Variants in COQ8A observed in about 807,000 individuals in gnomAD.
COQ8A encodes coenzyme Q8A, also known as atypical kinase COQ8A, mitochondrial.
In COQ8A, 51 loss-of-function variants were observed where a neutral mutation model predicts 65.0. The ratio of observed to expected loss-of-function variants is 0.78; its 90% CI spans 0.63 to 0.99. The LOEUF is 0.99. Ranked by LOEUF, COQ8A falls within the 50% of genes least tolerant of loss-of-function variation. The pLI, the probability that COQ8A is intolerant of heterozygous loss-of-function variation, is 0.00. For synonymous variants in COQ8A, 371 were observed against 353.2 expected, an observed-to-expected ratio of 1.05 and a Z score of -0.57; for missense variants, 940 against 875.0, an observed-to-expected ratio of 1.07 and a Z score of -0.94.
chr1:226,971,674 A>G (rs552053385), intron 4 of COQ8A, among the ~76,000 whole-genome samples: 1 of 152,236 alleles, frequency 6.6e-6, no homozygotes, highest in African/African-American at 2.4e-5. Context: ...ATATTCCTCT[A>G]TTGTTTTCTT....
chr1:226,982,683 G>GC lies in COQ8A; in HGVS notation c.861dup (p.Phe288LeufsTer8). 6.2e-7 allele frequency: 1 copy of GC among 1,613,352 alleles called. No individual in the cohort carries two copies. The highest frequency in any genetic ancestry group is 8.5e-7 in the Non-Finnish European group (1 of 1,180,000). ...GTCATTCTCCTGCCTTCCAGATGAT[G>GC]CCTTTATCAACCCCCACCTGGCTAA... On this transcript the variant is annotated frameshift_variant, in exon 7 of 15. Coordinates refer to ENST00000366777, the MANE Select transcript of COQ8A (RefSeq NM_020247.5). LOFTEE classifies it high-confidence loss of function.
At chr1:226,984,775 G>A in intron 12 of COQ8A, 101 bp from the exon 13 acceptor site, 2 of 1,488,192 alleles carry the variant, frequency 1.3e-6, no homozygotes, top group Non-Finnish European at 1.9e-6. Flanking sequence ...GGCTCTGGGA[G>A]TGGGGATCCT....
chr1:226,967,780 A>T lies in COQ8A; in HGVS notation c.655+2043A>T, dbSNP rs12562646. Among the ~76,000 whole-genome samples, 377 of 152,284 alleles carry T rather than the reference A, an allele frequency of 2.5e-3. 9 individuals are homozygous for T. In the East Asian group the frequency reaches 0.047, roughly 19 times the overall value. On this transcript the variant is annotated intron_variant, in intron 4 of 14. Transcript: ENST00000366777. ...TGGAGCCTTTGCTGACACCTGCCTG[A>T]TGTACGGAGCCATCTGTGGGTGTCT...
At chr1:226,968,758 C>A (rs1190966118) in intron 4 of COQ8A, among the ~76,000 whole-genome samples, 1 of 152,164 alleles carries the variant, frequency 6.6e-6, no homozygotes, top group African/African-American at 2.4e-5. Flanking sequence ...CAAGGACTTT[C>A]CAATTCCAGG....
Position 226,986,843 on chromosome 1 carries a change from A to G in COQ8A, c.*106A>G, listed in dbSNP as rs559437359. On this transcript the variant is annotated 3_prime_UTR_variant, in exon 15 of 15. Transcript: ENST00000366777. ...ATGCTCTTTTTAACTCCTTTGCCCA[A>G]TAAGGGGGGTGGCTGCCTGGAGCCC... The G allele has an allele frequency of 1.8e-5, 25 of 1,412,590 alleles. No individual in the cohort carries two copies. Among genetic ancestry groups the G allele is most frequent in the East Asian group, 1.0e-4 (4 of 40,176 alleles). The allele number at this position is 1,412,590 out of a possible 1,614,324, so 87.5% of individuals were successfully genotyped here. A position where few individuals can be genotyped will look rare whatever the true frequency, so the allele number is the denominator to read the frequency against.
chr1:226,948,804 G>C (rs1220834125), intron 1 of COQ8A, among the ~76,000 whole-genome samples: 1 of 152,154 alleles, frequency 6.6e-6, no homozygotes, highest in Admixed American at 6.5e-5. Flanking sequence ...TTACAATGTA[G>C]GAATCTGACC....
At chr1:226,968,789 T>TG (rs956616318) in intron 4 of COQ8A, among the ~76,000 whole-genome samples, 7 of 152,076 alleles carry the variant, frequency 4.6e-5, no homozygotes, top group African/African-American at 1.7e-4. Context: ...GATGCTGAAA[T>TG]GGGGGCGGGG....
At chr1:226,976,417 TGGCTTCGG>T (rs1039078035) in intron 4 of COQ8A, among the ~76,000 whole-genome samples, 1 of 141,812 alleles carries the variant, frequency 7.1e-6, no homozygotes, top group African/African-American at 2.7e-5. Flanking sequence ...CGATGTTGCC[TGGCTTCGG>T]GGCTGCGGGG....
intron 2 of COQ8A, among the ~76,000 whole-genome samples, chr1:226,963,125 C>T (rs1658350858): frequency 6.6e-6 from 1 of 152,214 alleles, no homozygotes; most frequent in Non-Finnish European, 1.5e-5. Context: ...TACTCGGGCA[C>T]TCTCCAACCC....
At chr1:226,978,506 C>T (rs1183706969) in intron 5 of COQ8A, among the ~76,000 whole-genome samples, 4 of 144,200 alleles carry the variant, frequency 2.8e-5, no homozygotes, top group Non-Finnish European at 6.2e-5. Context: ...ATCCTCCACA[C>T]ACCCACCGAA....
At chr1:226,985,551 TGTC>T (rs1572087003) in intron 14 of COQ8A, among the ~76,000 whole-genome samples, 1 of 152,170 alleles carries the variant, frequency 6.6e-6, no homozygotes, top group Non-Finnish European at 1.5e-5. Context: ...GTTGGGGACT[TGTC>T]GTGAAGCTCT....
chr1:226,979,031 C>T (rs566593035), intron 5 of COQ8A, among the ~76,000 whole-genome samples: 3 of 152,292 alleles, frequency 2.0e-5, no homozygotes, highest in Admixed American at 2.0e-4. Context: ...CTGGTCTGGC[C>T]GGGTCAGGTG....
intron 5 of COQ8A, among the ~76,000 whole-genome samples, chr1:226,981,206 T>TGAA (rs1659663245): frequency 6.6e-6 from 1 of 152,228 alleles, no homozygotes; most frequent in Admixed American, 6.5e-5. Context: ...TCTGTCTGCC[T>TGAA]CTGGATAGGG....
intron 14 of COQ8A, 99 bp downstream of exon 14, chr1:226,985,439 G>T: frequency 2.8e-6 from 4 of 1,405,936 alleles, no homozygotes; most frequent in Non-Finnish European, 4.0e-6. Flanking sequence ...GCCCTCAAGG[G>T]GCCCCCAGAG....
rs1188119079 is a variant in COQ8A, at chr1:226,940,339, C to T, written c.-70C>T. 2.0e-5 allele frequency: 3 copies of T among 152,376 alleles called. No individual in the cohort carries two copies. Among genetic ancestry groups the T allele is most frequent in the East Asian group, 3.9e-4 (2 of 5,184 alleles). The allele number at this position is 152,376 out of a possible 1,614,324, so 9.4% of individuals were successfully genotyped here. A position where few individuals can be genotyped will look rare whatever the true frequency, so the allele number is the denominator to read the frequency against. On this transcript the variant is annotated 5_prime_UTR_variant, in exon 1 of 15. Coordinates refer to ENST00000366777, the MANE Select transcript of COQ8A (RefSeq NM_020247.5). ...GCGGGCGTCAGCGCGGTGGCCAGCG[C>T]GCAGAGGCGGGCGCGGAGGCGGCTA...
intron 14 of COQ8A, 128 bp from the exon 15 acceptor site, chr1:226,986,325 C>T (rs778071823): frequency 3.7e-6 from 4 of 1,078,738 alleles, no homozygotes; most frequent in Admixed American, 2.1e-5. Context: ...TGCCCATTAC[C>T]ATGATGTAAT....
In COQ8A at chr1:226,943,586, C is replaced by T. The variant is rs373929447; in HGVS notation, c.-10+3187C>T. Among the ~76,000 whole-genome samples the T allele has an allele frequency of 6.6e-4, 100 of 152,306 alleles. 1 individual carries two copies. The South Asian group carries it at 0.012, about 18-fold the overall frequency. ...ACTGACTACCTGACTGGATATATGGCTGAGATTTCTAATCAGGGGGAGGAG... is the reference window on the plus strand; with the variant it reads ...ACTGACTACCTGACTGGATATATGGTTGAGATTTCTAATCAGGGGGAGGAG... On this transcript the variant is annotated intron_variant, in intron 1 of 14. Transcript: ENST00000366777.
chr1:226,968,623 T>G (rs1443062013), intron 4 of COQ8A, among the ~76,000 whole-genome samples: 1 of 152,014 alleles, frequency 6.6e-6, no homozygotes, highest in Non-Finnish European at 1.5e-5. Context: ...CTTTAGGAAG[T>G]TTTTACACGG....
In COQ8A at chr1:226,941,596, G is replaced by A. The variant is rs533925635; in HGVS notation, c.-10+1197G>A. 1.7e-4 allele frequency among the ~76,000 whole-genome samples: 26 copies of A among 151,452 alleles called. No individual in the cohort carries two copies. The East Asian group carries it at 4.9e-3, about 28-fold the overall frequency. The stretch of plus-strand genomic sequence containing the variant: ...AGCCTGGCCAAAATGGTGAAACCCC[G>A]TCTCTACCGAAAAAAAAAAAATACG... On this transcript the variant is annotated intron_variant, in intron 1 of 14. Transcript: ENST00000366777.
Sources: allele counts gnomAD v4.1 joint callset (sites outside exome capture counted in the v4.1 genomes callset), GRCh38; gene constraint gnomAD v4.1.1; transcripts MANE v1.5; gene names NCBI Gene and HGNC (gene_info 2026-07-23, HGNC 2026-07-21).